SMARCA4: variants seen among roughly 807,000 people sequenced by gnomAD.
SMARCA4 encodes SWI/SNF related BAF chromatin remodeling complex subunit ATPase 4.
In SMARCA4, 31 loss-of-function variants were observed where a neutral mutation model predicts 193.9. That is an observed-to-expected ratio of 0.16 (90% CI 0.12 to 0.22). SMARCA4 has a LOEUF of 0.22. Among genes scored for constraint, SMARCA4 ranks in the 10% least tolerant of loss-of-function variants. SMARCA4 has a pLI of 1.00. For synonymous variants in SMARCA4, 942 were observed against 933.1 expected, an observed-to-expected ratio of 1.01 and a Z score of -0.17; for missense variants, 1,148 against 2,296.0, an observed-to-expected ratio of 0.50 and a Z score of 10.22.
Position 11,027,925 on chromosome 19 carries a change from C to T in SMARCA4, c.3357C>T (p.Arg1119=), listed in dbSNP as rs770111702. 2.0e-5 allele frequency: 33 copies of T among 1,614,042 alleles called. No homozygotes were observed. Among genetic ancestry groups the T allele is most frequent in the South Asian group, 6.6e-5 (6 of 91,088 alleles). ...TCATGGAAGATTACTTTGCGTATCG[C>T]GGCTTTAAATACCTCAGGCTTGATG... is the stretch of plus-strand genomic sequence containing the variant. ...MTIMEDYFAY[R]GFKYLRLDGT... is the part of the protein sequence containing the mutation. Residue 1119 remains arginine (R), a synonymous_variant, in exon 24 of 35, where the codon CGC becomes CGT. Coordinates refer to ENST00000344626, the MANE Select transcript of SMARCA4 (RefSeq NM_003072.5).
intron 24 of SMARCA4, among the ~76,000 whole-genome samples, chr19:11,028,636 C>T (rs1437668849): frequency 1.3e-5 from 2 of 152,260 alleles, no homozygotes; most frequent in African/African-American, 4.8e-5. Flanking sequence ...CAACCCCCTG[C>T]CCTGCGGTCC....
chr19:11,061,204 A>AAAAAAAAAAAATATATAT (rs1555797070), intron 34 of SMARCA4, among the ~76,000 whole-genome samples: 1 of 45,216 alleles, frequency 2.2e-5, no homozygotes, highest in African/African-American at 1.1e-4. Flanking sequence ...AAAAAAAAAA[A>AAAAAAAAAAAATATATAT]ATATATATAT....
intron 1 of SMARCA4, among the ~76,000 whole-genome samples, chr19:10,974,761 C>A (rs1397388864): frequency 9.0e-6 from 1 of 111,544 alleles, no homozygotes; most frequent in African/African-American, 3.5e-5. Flanking sequence ...GGCTAGAGAG[C>A]TGTGGTGCGA....
intron 24 of SMARCA4, among the ~76,000 whole-genome samples, chr19:11,028,535 G>C (rs1200742800): frequency 6.6e-6 from 1 of 152,208 alleles, no homozygotes; most frequent in Non-Finnish European, 1.5e-5. Flanking sequence ...GTCAGGCCTG[G>C]ACCTGGAATC....
intron 1 of SMARCA4, among the ~76,000 whole-genome samples, chr19:10,974,036 A>G: frequency 6.6e-6 from 1 of 152,200 alleles, no homozygotes; most frequent in Non-Finnish European, 1.5e-5. Context: ...GTGTCCGTGA[A>G]CAAATTTCCC....
In SMARCA4 at chr19:11,034,046, C is replaced by T; in HGVS notation, c.3874-77C>T. 1 of 1,136,220 alleles carries T rather than the reference C, an allele frequency of 8.8e-7. No individual in the cohort carries two copies. Among genetic ancestry groups the T allele is most frequent in the Non-Finnish European group, 1.3e-6 (1 of 746,630 alleles). The allele number at this position is 1,136,220 out of a possible 1,614,324, so 70.4% of individuals were successfully genotyped here. ...GACCACCAGCTCATTCCCACGGACG[C>T]CGCCGCTCGCCTCTGAGCTCGGCCG... On this transcript the variant is annotated intron_variant, in intron 27 of 34. Transcript: ENST00000344626. The surrounding 1 kb of genome is among the most constrained non-coding windows in gnomAD (Gnocchi z 7.0).
Position 10,987,592 on chromosome 19 carries a change from A to G in SMARCA4, c.860-74A>G. The stretch of plus-strand genomic sequence containing the variant: ...CTGTCCCCAGTGCCTCAAGCAGCTC[A>G]GCAGCTTTCCATTTCCAGCCCGGGA... On this transcript the variant is annotated intron_variant, in intron 5 of 34. Transcript: ENST00000344626. This position sits in a 1 kb window ranked among gnomAD's most constrained non-coding sequence, Gnocchi z 5.3. 1 of 1,570,184 alleles carries G rather than the reference A, an allele frequency of 6.4e-7. No individual in the cohort carries two copies. The highest frequency in any genetic ancestry group is 1.7e-5 in the Admixed American group (1 of 59,754).
At chr19:11,060,011 C>T (rs1359590431) in intron 33 of SMARCA4, 34 bp from the exon 34 acceptor site, 1 of 1,599,242 alleles carries the variant, frequency 6.3e-7, no homozygotes, top group East Asian at 2.3e-5. Context: ...ATTCCCAGAG[C>T]TCAAGGCTGT....
chr19:11,031,623 C>T lies in SMARCA4; in HGVS notation c.3546+730C>T, dbSNP rs987232953. On this transcript the variant is annotated intron_variant, in intron 25 of 34. Transcript: ENST00000344626. The surrounding 1 kb of genome is among the most constrained non-coding windows in gnomAD (Gnocchi z 4.3). ...CTTCCACCAAGCAGTGGGTGTCAAC[C>T]GCCGAGTGCACATCGGAAGCTACCC... 2.0e-5 allele frequency: 3 copies of T among 152,368 alleles called. No individual in the cohort carries two copies. The highest frequency in any genetic ancestry group is 7.2e-5 in the African/African-American group (3 of 41,436). The allele number at this position is 152,368 out of a possible 1,614,324, so 9.4% of individuals were successfully genotyped here. A position where few individuals can be genotyped will look rare whatever the true frequency, so the allele number is the denominator to read the frequency against.
At chr19:10,968,367 C>T (rs1362285503) in intron 1 of SMARCA4, among the ~76,000 whole-genome samples, 1 of 152,110 alleles carries the variant, frequency 6.6e-6, no homozygotes, top group East Asian at 1.9e-4. Flanking sequence ...AGGGGCATAG[C>T]TTCATTTATG....
rs906298286 is a variant in SMARCA4 at position 10,985,771 on chromosome 19, A to G, written c.355+366A>G. Among the ~76,000 whole-genome samples, 4 of 152,022 alleles carry G rather than the reference A, an allele frequency of 2.6e-5. No homozygotes were observed. Among genetic ancestry groups the G allele is most frequent in the African/African-American group, 9.7e-5 (4 of 41,368 alleles). ...CAGCAGGTGCCTTTTCTGTACGAGG[A>G]CAATTGAGAAGTGATATGGTGGGTG... On this transcript the variant is annotated intron_variant, in intron 3 of 34. Coordinates refer to ENST00000344626, the MANE Select transcript of SMARCA4 (RefSeq NM_003072.5). This position sits in a 1 kb window ranked among gnomAD's most constrained non-coding sequence, Gnocchi z 4.5.
rs532242119 is a variant in SMARCA4, at chr19:10,987,904, C to T, written c.1098C>T (p.Ile366=). The change falls in exon 6 of 35, where the codon ATC becomes ATT. Residue 366 remains isoleucine (I), a synonymous_variant. Transcript: ENST00000344626. The surrounding 1 kb of genome is among the most constrained non-coding windows in gnomAD (Gnocchi z 5.3). ...QKPRGLDPVE[I]LQEREYRLQA... ...CGCGGGGCCTCGACCCTGTGGAGAT[C>T]CTGCAGGAGCGCGAGTACAGGTGAG... 2.5e-5 allele frequency: 40 copies of T among 1,613,004 alleles called. No homozygotes were observed. The South Asian group carries it at 3.5e-4, about 14-fold the overall frequency.
At chr19:11,048,633 G>A (rs1222684240) in intron 30 of SMARCA4, among the ~76,000 whole-genome samples, 6 of 152,214 alleles carry the variant, frequency 3.9e-5, no homozygotes, top group South Asian at 2.1e-4. Flanking sequence ...TCTAGGTGGC[G>A]ACACCTGAGG....
At chr19:11,032,734 C>G (rs1179834658) in intron 25 of SMARCA4, 2 of 178,736 alleles carry the variant, frequency 1.1e-5, no homozygotes, top group Non-Finnish European at 2.4e-5. Flanking sequence ...CTGCACCAGT[C>G]ACTGGGCCAC....
chr19:10,997,093 C>T (rs115221947), intron 11 of SMARCA4, among the ~76,000 whole-genome samples: 4,992 of 152,092 alleles, frequency 0.033, 124 homozygotes, highest in Non-Finnish European at 0.041. Flanking sequence ...AATCTTGGCT[C>T]ATTGCAGCCT....
At chr19:10,983,675 C>G in intron 1 of SMARCA4, 1 of 181,564 alleles carries the variant, frequency 5.5e-6, no homozygotes, top group South Asian at 1.2e-4. Context: ...CTCAAATGAT[C>G]TGCCCGCATT....
intron 32 of SMARCA4, chr19:11,059,146 G>A (rs1242635022): frequency 1.1e-5 from 5 of 458,554 alleles, no homozygotes; most frequent in African/African-American, 5.9e-5. Context: ...TTTCCAACTT[G>A]GGATATTTTA....
chr19:11,041,451 AAGC>A lies in SMARCA4; in HGVS notation c.4318_4320del (p.Gln1440del), dbSNP rs754509103. ...CCGCGACAAGGACGACGAGAGCAAG[AAGC>A]AGAAGAAGCGCGGGCGGCCGCCTGC... is the stretch of plus-strand genomic sequence containing the variant. On this transcript the variant is annotated inframe_deletion, in exon 30 of 35. Transcript: ENST00000344626. This position sits in a 1 kb window ranked among gnomAD's most constrained non-coding sequence, Gnocchi z 5.6. 2.5e-6 allele frequency: 4 copies of A among 1,612,644 alleles called. No individual in the cohort carries two copies.
chr19:10,984,645 A>T lies in SMARCA4; in HGVS notation c.222+272A>T, dbSNP rs574662038. On this transcript the variant is annotated intron_variant, in intron 2 of 34. Transcript: ENST00000344626. This position sits in a 1 kb window ranked among gnomAD's most constrained non-coding sequence, Gnocchi z 4.3. ...TGCTTTCTGCATGTGAAATTTGGGA[A>T]TATCACTACAAAGTTTTCTTTTGGT... is the stretch of plus-strand genomic sequence containing the variant. Among the ~76,000 whole-genome samples the T allele has an allele frequency of 6.6e-6, 1 of 152,262 alleles. No individual in the cohort carries two copies. Among genetic ancestry groups the T allele is most frequent in the Non-Finnish European group, 1.5e-5 (1 of 68,034 alleles).
Sources: gnomAD v4.1 joint callset for allele counts (sites outside exome capture counted in the v4.1 genomes callset) on GRCh38, gnomAD v4.1.1 for gene constraint, Gnocchi (gnomAD v3.1) non-coding constraint, MANE v1.5 for transcripts, NCBI Gene and HGNC (gene_info 2026-07-23, HGNC 2026-07-21) for gene names.